The following ZNF384 variants were observed in gnomAD, a reference collection of about 807,000 sequenced individuals.
The protein encoded by ZNF384 is CAG repeat protein 1.
Under a neutral mutation model 65.0 loss-of-function variants are expected in ZNF384, and 20 were observed. That is an observed-to-expected ratio of 0.31 (90% CI 0.22 to 0.45). The LOEUF (loss-of-function observed/expected upper bound fraction) is 0.45. Among genes scored for constraint, ZNF384 ranks in the 20% least tolerant of loss-of-function variants. The pLI is 1.00. For synonymous variants in ZNF384, 310 were observed against 303.9 expected (o/e 1.02, Z -0.21); for missense variants, 549 against 769.4 (o/e 0.71, Z 3.39).
In ZNF384 at chr12:6,673,302, G is replaced by A; in HGVS notation, c.918C>T (p.Ile306=). ...FANSSYLAQH[I]RIHSGAKPYS... ...AGGGCTTAGCCCCTGAGTGTATACGGATGTGCTGGGCCAGGTAGGAGCTGT... is the reference window on the plus strand; with the variant it reads ...AGGGCTTAGCCCCTGAGTGTATACGAATGTGCTGGGCCAGGTAGGAGCTGT... The change falls in exon 8 of 12, where the codon ATC becomes ATT. Residue 306 remains isoleucine, a synonymous_variant. Coordinates refer to ENST00000683879, the MANE Select transcript of ZNF384 (RefSeq NM_001385745.1). This position sits in a 1 kb window ranked among gnomAD's most constrained non-coding sequence, Gnocchi z 4.7. 1 of 1,614,114 alleles carries A rather than the reference G, an allele frequency of 6.2e-7. No homozygotes were observed. Among genetic ancestry groups the A allele is most frequent in the Middle Eastern group, 1.6e-4 (1 of 6,062 alleles).
Position 6,678,228 on chromosome 12 carries a change from C to T in ZNF384, c.585G>A (p.Lys195=). 1.2e-6 allele frequency: 2 copies of T among 1,614,212 alleles called. No homozygotes were observed. The highest frequency in any genetic ancestry group is 8.5e-7 in the Non-Finnish European group (1 of 1,180,052). Residue 195 remains lysine, a synonymous_variant, in exon 6 of 12, where the codon AAG becomes AAA. Coordinates refer to ENST00000683879, the MANE Select transcript of ZNF384 (RefSeq NM_001385745.1). The surrounding 1 kb of genome is among the most constrained non-coding windows in gnomAD (Gnocchi z 4.9). ...SVAPKPPRGR[K]KKRMLESGLP... is the part of the protein sequence containing the mutation. Reference sequence around the variant, plus strand: ...GCCCTGATTCCAGCATCCGCTTCTTCTTCCGGCCCCGGGGTGGCTTAGGAG... The same window carrying T: ...GCCCTGATTCCAGCATCCGCTTCTTTTTCCGGCCCCGGGGTGGCTTAGGAG...
In ZNF384 at chr12:6,672,673, A is replaced by G; in HGVS notation, c.1005-141T>C. 5.0e-6 allele frequency: 4 copies of G among 796,664 alleles called. No individual in the cohort carries two copies. The highest frequency in any genetic ancestry group is 8.0e-6 in the Non-Finnish European group (4 of 501,294). The allele number at this position is 796,664 out of a possible 1,614,324, so 49.3% of individuals were successfully genotyped here. The stretch of plus-strand genomic sequence containing the variant: ...TCCTCCCAAAAACACTCCAGCCTGG[A>G]TAGGCAAATGAAGAGGACACCCAGA... On this transcript the variant is annotated intron_variant, in intron 8 of 11. Transcript: ENST00000683879. This position sits in a 1 kb window ranked among gnomAD's most constrained non-coding sequence, Gnocchi z 4.4.
rs909577649 is a variant in ZNF384, at chr12:6,677,358, T to C, written c.687-99A>G. On this transcript the variant is annotated intron_variant, in intron 6 of 11. Transcript: ENST00000683879. Reference sequence around the variant, plus strand: ...CATCTGCCCCTGTCTATATCAAAGCTGTGACAGTAGTTATCCCACTCTATA... The same window carrying C: ...CATCTGCCCCTGTCTATATCAAAGCCGTGACAGTAGTTATCCCACTCTATA... The C allele has an allele frequency of 4.2e-6, 5 of 1,182,834 alleles. No individual in the cohort carries two copies. In the African/African-American group the frequency reaches 8.1e-5, roughly 19 times the overall value. The allele number at this position is 1,182,834 out of a possible 1,614,324, so 73.3% of individuals were successfully genotyped here.
At position 6,680,647 on chromosome 12, in the gene ZNF384, C is replaced by CA. The variant is rs566727946; in HGVS notation, c.-5-1123dup. 1.0e-2 allele frequency among the ~76,000 whole-genome samples: 1,029 copies of CA among 103,218 alleles called. 8 individuals carry two copies. The highest frequency in any genetic ancestry group is 0.034 in the East Asian group (129 of 3,748). The allele number at this position is 103,218 out of a possible 152,430, so 67.7% of individuals were successfully genotyped here. ...GCGGAACAAGAGCAAAATTCCGTCT[C>CA]AAAAAAAAAAAAAAAATCAGAATCA... On this transcript the variant is annotated intron_variant, in intron 2 of 11. Coordinates refer to ENST00000683879, the MANE Select transcript of ZNF384 (RefSeq NM_001385745.1).
At chr12:6,685,895 G>C (rs1457979698) in intron 2 of ZNF384, among the ~76,000 whole-genome samples, 1 of 151,232 alleles carries the variant, frequency 6.6e-6, no homozygotes, top group Non-Finnish European at 1.5e-5. Flanking sequence ...AATCTCAGAA[G>C]CCCTCAGGAG....
chr12:6,678,875 G>A lies in ZNF384; in HGVS notation c.304+71C>T, dbSNP rs776010212. Reference sequence around the variant, plus strand: ...ACATATCCCACTCCCCATGTCCTTGGAGCCCTCCAGCCTGGGGTACTGATC... The same window carrying A: ...ACATATCCCACTCCCCATGTCCTTGAAGCCCTCCAGCCTGGGGTACTGATC... On this transcript the variant is annotated intron_variant, in intron 4 of 11. Transcript: ENST00000683879. This position sits in a 1 kb window ranked among gnomAD's most constrained non-coding sequence, Gnocchi z 4.9. 6.5e-7 allele frequency: 1 copy of A among 1,538,800 alleles called. No homozygotes were observed. The highest frequency in any genetic ancestry group is 1.4e-5 in the African/African-American group (1 of 73,532).
rs1951983202 is a variant in ZNF384, at chr12:6,672,710, G to C, written c.1005-178C>G. On this transcript the variant is annotated intron_variant, in intron 8 of 11. Transcript: ENST00000683879. The surrounding 1 kb of genome is among the most constrained non-coding windows in gnomAD (Gnocchi z 4.4). Reference sequence around the variant, plus strand: ...AGAGGACACCCAGATCTAGGTTGTTGCTGATCGTAAGTCGGTGGCTAGAAT... The same window carrying C: ...AGAGGACACCCAGATCTAGGTTGTTCCTGATCGTAAGTCGGTGGCTAGAAT... Among the ~76,000 whole-genome samples, 1 of 152,184 alleles carries C rather than the reference G, an allele frequency of 6.6e-6. No homozygotes were observed. The highest frequency in any genetic ancestry group is 1.5e-5 in the Non-Finnish European group (1 of 68,020).
chr12:6,678,777 A>C lies in ZNF384; in HGVS notation c.305-67T>G. 3.8e-6 allele frequency: 6 copies of C among 1,559,152 alleles called. No homozygotes were observed. In the South Asian group the frequency reaches 6.7e-5, roughly 17 times the overall value. On this transcript the variant is annotated intron_variant, in intron 4 of 11. Transcript: ENST00000683879. This position sits in a 1 kb window ranked among gnomAD's most constrained non-coding sequence, Gnocchi z 4.9. Reference sequence around the variant, plus strand: ...GGGACCGCATCTTCTACTTCTTTGTATCCCCCACAATGCCTAGCACATTGC... The same window carrying C: ...GGGACCGCATCTTCTACTTCTTTGTCTCCCCCACAATGCCTAGCACATTGC...
intron 2 of ZNF384, among the ~76,000 whole-genome samples, chr12:6,686,670 G>C (rs150744570): frequency 6.6e-6 from 1 of 152,128 alleles, no homozygotes; most frequent in Non-Finnish European, 1.5e-5. Context: ...AAGAGGATGA[G>C]GCCTGTATAA....
chr12:6,669,940 G>A (rs528950353), intron 10 of ZNF384, among the ~76,000 whole-genome samples: 4 of 138,596 alleles, frequency 2.9e-5, no homozygotes, highest in Admixed American at 1.5e-4. Context: ...ACACGCGCGC[G>A]CGCACACACA....
chr12:6,667,957 G>C lies in ZNF384; in HGVS notation c.1584C>G (p.Ser528=), dbSNP rs1156799215. Residue 528 remains serine, a synonymous_variant, in exon 12 of 12, where the codon TCC becomes TCG. Transcript: ENST00000683879. ...QAQAQAQAQA[S]QASQQQQQQQ... is the part of the protein sequence containing the mutation. Reference sequence around the variant, plus strand: ...GCTGCTGCTGCTGCTGTGATGCCTGGGAGGCCTGGGCCTGGGCCTGGGCTT... The same window carrying C: ...GCTGCTGCTGCTGCTGTGATGCCTGCGAGGCCTGGGCCTGGGCCTGGGCTT... The C allele has an allele frequency of 6.2e-7, 1 of 1,612,002 alleles. No individual in the cohort carries two copies. The highest frequency in any genetic ancestry group is 1.3e-5 in the African/African-American group (1 of 74,832).
chr12:6,679,726 A>T (rs1955187613), intron 2 of ZNF384, among the ~76,000 whole-genome samples: 1 of 152,212 alleles, frequency 6.6e-6, no homozygotes, highest in Admixed American at 6.5e-5. Flanking sequence ...AACAGAGGCT[A>T]TCCTACTTCA....
At chr12:6,681,867 T>A (rs1049355827) in intron 2 of ZNF384, among the ~76,000 whole-genome samples, 2 of 152,148 alleles carry the variant, frequency 1.3e-5, no homozygotes, top group African/African-American at 4.8e-5. Context: ...CAGCTTCACA[T>A]AAACAGGCTC....
chr12:6,673,427 A>G lies in ZNF384; in HGVS notation c.793T>C (p.Ser265Pro), dbSNP rs1026471032. The G allele has an allele frequency of 6.2e-7, 1 of 1,613,572 alleles. No homozygotes were observed. The highest frequency in any genetic ancestry group is 1.1e-5 in the South Asian group (1 of 91,022). Residue 265 changes from serine to proline, a missense_variant, in exon 8 of 12, where the codon TCA becomes CCA. This residue lies in a region of ZNF384 where 277 missense variants were observed against 337.2 expected (regional missense o/e 0.82). Transcript: ENST00000683879. The surrounding 1 kb of genome is among the most constrained non-coding windows in gnomAD (Gnocchi z 4.7). ...LLCDPGCRMC[S>P]LTFYSKSEMQ... ...TCCGACTTGGAGTAGAATGTCAGTG[A>G]GCACATCCGGCACCTGAGCCAAGTG... is the stretch of plus-strand genomic sequence containing the variant.
Position 6,668,003 on chromosome 12 carries a change from G to T in ZNF384, c.1538C>A (p.Ala513Asp). The T allele has an allele frequency of 1.2e-6, 2 of 1,613,230 alleles. No homozygotes were observed. The highest frequency in any genetic ancestry group is 1.7e-6 in the Non-Finnish European group (2 of 1,179,612). ...GGCTTGAGCCTGAGCCTGAGCCTGG[G>T]CTTGAGCTTGAGCCTGGGCCTGGGC... ...AVAQAQAQAQ[A>D]QAQAQAQAQA... is the part of the protein sequence containing the mutation. Residue 513 changes from alanine (A) to aspartate (D), a missense_variant, in exon 12 of 12, where the codon GCC becomes GAC. Transcript: ENST00000683879.
In ZNF384 at chr12:6,679,526, C is replaced by G; in HGVS notation, c.-5-1G>C. The G allele has an allele frequency of 6.2e-7, 1 of 1,612,186 alleles. No homozygotes were observed. Among genetic ancestry groups the G allele is most frequent in the Non-Finnish European group, 8.5e-7 (1 of 1,178,514 alleles). ...TTGAAGTGAGATTCTTCCATTCTAC[C>G]TGAAGAAAAAATGAGAGAACATGTC... On this transcript the variant is annotated splice_acceptor_variant, in intron 2 of 11. Coordinates refer to ENST00000683879, the MANE Select transcript of ZNF384 (RefSeq NM_001385745.1). LOFTEE classifies it low-confidence loss of function (5UTR_SPLICE).
At position 6,667,124 on chromosome 12, in the gene ZNF384, GCCC is replaced by G. The variant is rs1353413901; in HGVS notation, c.*587_*589del. On this transcript the variant is annotated 3_prime_UTR_variant, in exon 12 of 12. Transcript: ENST00000683879. ...CCTTGGGGACCACATCTCAGCCCTT[GCCC>G]CCTTCAAATAAAAGGAGGTCTAGCC... 1 of 243,954 alleles carries G rather than the reference GCCC, an allele frequency of 4.1e-6. No individual in the cohort carries two copies. Among genetic ancestry groups the G allele is most frequent in the African/African-American group, 2.2e-5 (1 of 45,192 alleles). 15.1% of individuals were successfully genotyped at this position (243,954 alleles called of 1,614,324 possible).
intron 7 of ZNF384, 127 bp downstream of exon 7, chr12:6,677,036 ACTTT>A (rs1953906144): frequency 1.1e-4 from 36 of 328,016 alleles, no homozygotes; most frequent in South Asian, 8.6e-4. Flanking sequence ...TAATTTCTTA[ACTTT>A]CTTTTGAAGT....
intron 10 of ZNF384, among the ~76,000 whole-genome samples, chr12:6,669,947 C>G (rs1024586743): frequency 1.4e-5 from 2 of 141,540 alleles, no homozygotes; most frequent in African/African-American, 4.9e-5. Flanking sequence ...CGCGCGCACA[C>G]ACACACACAC....
Sources: gnomAD v4.1 joint callset for allele counts (sites outside exome capture counted in the v4.1 genomes callset) on GRCh38, gnomAD v4.1.1 for gene constraint, gnomAD v4.1.1 regional missense constraint, Gnocchi (gnomAD v3.1) non-coding constraint, MANE v1.5 for transcripts, NCBI Gene and HGNC (gene_info 2026-07-23, HGNC 2026-07-21) for gene names.